Variants in LENG8 observed in about 807,000 individuals in gnomAD.
LENG8 encodes the protein leukocyte receptor cluster (LRC) member 8.
LENG8 carries 28 observed loss-of-function variants against 102.1 expected under a neutral mutation model. The ratio of observed to expected loss-of-function variants is 0.27; its 90% confidence interval spans 0.20 to 0.38. The LOEUF (loss-of-function observed/expected upper bound fraction) is 0.38. LENG8 is among the 10% of genes least tolerant of loss of function. The pLI, the probability that LENG8 is intolerant of heterozygous loss-of-function variation, is 1.00. For synonymous variants in LENG8, 531 were observed against 456.7 expected (o/e 1.16, Z -2.07); for missense variants, 1,022 against 1,113.9 (o/e 0.92, Z 1.17).
At position 54,454,499 on chromosome 19, in the gene LENG8, C is replaced by G; in HGVS notation, c.496C>G (p.Pro166Ala). The change falls in exon 6 of 16, where the codon CCC becomes GCC. Residue 166 changes from proline (P) to alanine (A), a missense_variant. By Grantham distance (27) the Pro-to-Ala change is conservative. Around this residue, in one of 7 missense-constraint regions of LENG8, gnomAD observed 343 missense variants for 320.2 expected, o/e 1.07. Transcript: ENST00000326764. Reference protein sequence around the residue: ...APPQQLPSAQPPQPSNPPHGA... With the variant: ...APPQQLPSAQAPQPSNPPHGA... ...CCCTCAGCAGCTGCCGTCGGCTCAG[C>G]CCCCTCAGCCCTCAAATCCCCCACA... The G allele has an allele frequency of 6.2e-7, 1 of 1,613,588 alleles. No individual in the cohort carries two copies. The highest frequency in any genetic ancestry group is 8.5e-7 in the Non-Finnish European group (1 of 1,179,664).
rs202044335 is a variant in LENG8 at position 54,454,993 on chromosome 19, G to T, written c.722G>T (p.Arg241Leu). The T allele has an allele frequency of 1.9e-6, 3 of 1,614,160 alleles. No homozygotes were observed. The Admixed American group carries it at 5.0e-5, about 27-fold the overall frequency. Reference sequence around the variant, plus strand: ...GGTCTCAAGTTCAACATCCAGAAGCGACCCTTTGCTGTTACCACCCAGAGC... The same window carrying T: ...GGTCTCAAGTTCAACATCCAGAAGCTACCCTTTGCTGTTACCACCCAGAGC... ...TGGLKFNIQKRPFAVTTQSFG... is the reference protein window; with the variant it reads ...TGGLKFNIQKLPFAVTTQSFG... The change falls in exon 7 of 16, where the codon CGA becomes CTA. Residue 241 changes from arginine to leucine, a missense_variant. Physicochemically the swap from Arg to Leu is moderately radical, Grantham distance 102 (BLOSUM62 -2). Around this residue, in one of 7 missense-constraint regions of LENG8, gnomAD observed 343 missense variants for 320.2 expected, o/e 1.07. Coordinates refer to ENST00000326764, the MANE Select transcript of LENG8 (RefSeq NM_052925.4).
chr19:54,454,382 C>T, intron 5 of LENG8, 48 bp from the exon 6 acceptor site: 1 of 1,538,986 alleles, frequency 6.5e-7, no homozygotes, highest in Non-Finnish European at 8.8e-7. Flanking sequence ...TGCCACTCGC[C>T]AGCCCCAGAA....
In LENG8 at chr19:54,456,853, C is replaced by T; in HGVS notation, c.1663C>T (p.Pro555Ser). 6.2e-7 allele frequency: 1 copy of T among 1,611,132 alleles called. No individual in the cohort carries two copies. Among genetic ancestry groups the T allele is most frequent in the Non-Finnish European group, 8.5e-7 (1 of 1,179,874 alleles). ...WQELQIVGTC[P>S]DITKHYLRLT... ...GGAGCTGCAGATCGTGGGCACCTGC[C>T]CTGACATCACCAAGCACTACCTGCG... The change falls in exon 11 of 16, where the codon CCT becomes TCT. Residue 555 changes from proline to serine, a missense_variant. By Grantham distance (74) the Pro-to-Ser change is moderately conservative. Around this residue, in one of 7 missense-constraint regions of LENG8, gnomAD observed 158 missense variants for 229.0 expected, o/e 0.69. Transcript: ENST00000326764.
At chr19:54,459,956 A>G (rs758566555) in intron 15 of LENG8, 100 of 1,209,130 alleles carry the variant, frequency 8.3e-5, no homozygotes, top group Non-Finnish European at 1.0e-4. Context: ...GTTAATTGAT[A>G]CCTAATTGGC....
rs756744807 is a variant in LENG8 at position 54,452,780 on chromosome 19, AGGGCGAGGTGGAGTCTGCTGGGTCG to A, written c.315+39_315+63del. On this transcript the variant is annotated intron_variant, in intron 4 of 15. Transcript: ENST00000326764. ...GAGTGCCCAGCCAGTGGGGCGGGGC[AGGGCGAGGTGGAGTCTGCTGGGTCG>A]GGGCGAGGTGAAGTGGAGTCTGCCG... 3.0e-5 allele frequency: 47 copies of A among 1,547,142 alleles called. No homozygotes were observed. In the African/African-American group the frequency reaches 5.2e-4, roughly 17 times the overall value.
intron 15 of LENG8, chr19:54,458,876 T>A (rs2084392987): frequency 6.5e-7 from 1 of 1,549,358 alleles, no homozygotes; most frequent in South Asian, 1.2e-5. Flanking sequence ...GGTCTCTGCT[T>A]TCTCAGCTTG....
In LENG8 at chr19:54,456,468, G is replaced by A. The variant is rs62133801; in HGVS notation, c.1445+3G>A. 1.2e-6 allele frequency: 2 copies of A among 1,601,636 alleles called. No individual in the cohort carries two copies. Among genetic ancestry groups the A allele is most frequent in the Non-Finnish European group, 1.7e-6 (2 of 1,177,010 alleles). On this transcript the variant is annotated splice_donor_region_variant and intron_variant, in intron 10 of 15. Coordinates refer to ENST00000326764, the MANE Select transcript of LENG8 (RefSeq NM_052925.4). The stretch of plus-strand genomic sequence containing the variant: ...GGCAGGGCGCAGCGTGGGAAGAGGT[G>A]AGACTGTGTGAGGGCTCGACACACG...
At chr19:54,450,614 C>G (rs10415734) in intron 1 of LENG8, among the ~76,000 whole-genome samples, 1 of 144,222 alleles carries the variant, frequency 6.9e-6, no homozygotes, top group Non-Finnish European at 1.5e-5. Context: ...CCCGTACTCC[C>G]TAGCTTTTTT....
Position 54,449,273 on chromosome 19 carries a change from G to A in LENG8, c.-93G>A, listed in dbSNP as rs562094067. On this transcript the variant is annotated 5_prime_UTR_variant, in exon 1 of 16. Coordinates refer to ENST00000326764, the MANE Select transcript of LENG8 (RefSeq NM_052925.4). ...TGGCCGTGTTGCTGATCGCCTGGGTGGTTGTTGGCGTGTCCCTGCAGCGAA... is the reference window on the plus strand; with the variant it reads ...TGGCCGTGTTGCTGATCGCCTGGGTAGTTGTTGGCGTGTCCCTGCAGCGAA... 9.4e-4 allele frequency: 144 copies of A among 152,558 alleles called. 6 individuals are homozygous for A. In the South Asian group the frequency reaches 0.028, roughly 30 times the overall value. 9.5% of individuals were successfully genotyped at this position (152,558 alleles called of 1,614,324 possible).
At chr19:54,453,431 G>A (rs920852306) in intron 4 of LENG8, 115 bp from the exon 5 acceptor site, 22 of 695,040 alleles carry the variant, frequency 3.2e-5, no homozygotes, top group Non-Finnish European at 5.5e-5. Context: ...ATATAGTGAA[G>A]AGAGAAAGGG....
At chr19:54,458,862 C>T (rs1006042438) in intron 15 of LENG8, 6 of 1,550,182 alleles carry the variant, frequency 3.9e-6, no homozygotes, top group Non-Finnish European at 5.2e-6. Context: ...CCTCAGAACC[C>T]TGAGGTCTCT....
At position 54,456,434 on chromosome 19, in the gene LENG8, C is replaced by T. The variant is rs200604382; in HGVS notation, c.1414C>T (p.Arg472Trp). The T allele has an allele frequency of 1.8e-4, 287 of 1,608,480 alleles. 1 individual carries two copies. The African/African-American group carries it at 2.2e-3, about 13-fold the overall frequency. The change falls in exon 10 of 16, where the codon CGG becomes TGG. Residue 472 changes from arginine to tryptophan, a missense_variant. Physicochemically the swap from Arg to Trp is moderately radical, Grantham distance 101 (BLOSUM62 -3). Around this residue, in one of 7 missense-constraint regions of LENG8, gnomAD observed 326 missense variants for 324.5 expected, o/e 1.00. Transcript: ENST00000326764. ...GRGGRGAHMD[R>W]GRGRAQRGKR... Reference sequence around the variant, plus strand: ...GGGCGGTCGAGGGGCCCATATGGATCGGGGCCGAGGCAGGGCGCAGCGTGG... The same window carrying T: ...GGGCGGTCGAGGGGCCCATATGGATTGGGGCCGAGGCAGGGCGCAGCGTGG...
rs1423934194 is a variant in LENG8, at chr19:54,455,863, T to C, written c.1026-104T>C. 10 of 1,271,080 alleles carry C rather than the reference T, an allele frequency of 7.9e-6. No individual in the cohort carries two copies. The South Asian group carries it at 1.5e-4, about 19-fold the overall frequency. 78.7% of individuals were successfully genotyped at this position (1,271,080 alleles called of 1,614,324 possible). A position where few individuals can be genotyped will look rare whatever the true frequency, so the allele number is the denominator to read the frequency against. On this transcript the variant is annotated intron_variant, in intron 8 of 15. Coordinates refer to ENST00000326764, the MANE Select transcript of LENG8 (RefSeq NM_052925.4). ...TAGTAGCTGAGCCGCCTGGGGTAAG[T>C]GCCTTTCCTTTCGGAGGCGGGTCGG...
Position 54,451,394 on chromosome 19 carries a change from G to T in LENG8, c.38+12G>T. The T allele has an allele frequency of 2.5e-6, 4 of 1,613,854 alleles. No individual in the cohort carries two copies. The highest frequency in any genetic ancestry group is 3.4e-6 in the Non-Finnish European group (4 of 1,179,758). On this transcript the variant is annotated intron_variant, in intron 2 of 15. Coordinates refer to ENST00000326764, the MANE Select transcript of LENG8 (RefSeq NM_052925.4). ...CGTAGCACAGATTGGTTAGTGAGGCGAGAGGGATGGAGGCCAGTCGGGAGG... is the reference window on the plus strand; with the variant it reads ...CGTAGCACAGATTGGTTAGTGAGGCTAGAGGGATGGAGGCCAGTCGGGAGG...
chr19:54,452,059 A>G (rs775078582), intron 2 of LENG8, 34 bp from the exon 3 acceptor site: 14 of 1,584,538 alleles, frequency 8.8e-6, no homozygotes, highest in Non-Finnish European at 1.2e-5. Context: ...CAGTGGGGAG[A>G]ACAGGTGTGA....
In LENG8 at chr19:54,459,024, C is replaced by T. The variant is rs1410487556; in HGVS notation, c.2240+503C>T. On this transcript the variant is annotated intron_variant, in intron 15 of 15. Coordinates refer to ENST00000326764, the MANE Select transcript of LENG8 (RefSeq NM_052925.4). ...GTTGAGGCCACACTGGGCGCGGTGC[C>T]AGAGGCCCCTGGTCAGGCCATGCCC... 4 of 1,435,296 alleles carry T rather than the reference C, an allele frequency of 2.8e-6. No individual in the cohort carries two copies. The Admixed American group carries it at 8.5e-5, about 31-fold the overall frequency. 88.9% of individuals were successfully genotyped at this position (1,435,296 alleles called of 1,614,324 possible). A position where few individuals can be genotyped will look rare whatever the true frequency, so the allele number is the denominator to read the frequency against.
At chr19:54,449,481 G>T (rs1475206397) in intron 1 of LENG8, 171 bp downstream of exon 1, 1 of 152,120 alleles carries the variant, frequency 6.6e-6, no homozygotes, top group African/African-American at 2.4e-5. Flanking sequence ...CGGGCCTGGG[G>T]CCGCGCGTTC....
intron 13 of LENG8, 46 bp from the exon 14 acceptor site, chr19:54,458,057 C>T (rs1169821528): frequency 6.2e-7 from 1 of 1,612,242 alleles, no homozygotes; most frequent in East Asian, 2.2e-5. Context: ...GTTCTGCCCT[C>T]AGCACCCTCA....
chr19:54,459,381 A>G, intron 15 of LENG8: 2 of 993,782 alleles, frequency 2.0e-6, no homozygotes, highest in Non-Finnish European at 2.4e-6. Context: ...TCATAGTCAC[A>G]GCATGGAGGC....
Sources: allele counts gnomAD v4.1 joint callset (sites outside exome capture counted in the v4.1 genomes callset), GRCh38; gene constraint gnomAD v4.1.1; regional missense constraint gnomAD v4.1.1; transcripts MANE v1.5; gene names NCBI Gene and HGNC (gene_info 2026-07-23, HGNC 2026-07-21).